The following CDH20 variants were observed in gnomAD, a reference collection of about 807,000 sequenced individuals.
CDH20 encodes cadherin 20.
In CDH20, 29 loss-of-function variants were observed where a neutral mutation model predicts 74.2. That is an observed-to-expected ratio of 0.39 (90% CI 0.29 to 0.53). The LOEUF (loss-of-function observed/expected upper bound fraction) is 0.53. Ranked by LOEUF, CDH20 falls within the 20% of genes least tolerant of loss-of-function variation. The pLI, the probability that CDH20 is intolerant of heterozygous loss-of-function variation, is 0.69. For missense variants in CDH20, 988 were observed against 1,048.3 expected, an observed-to-expected ratio of 0.94 and a Z score of 0.79; for synonymous variants, 469 against 405.4, an observed-to-expected ratio of 1.16 and a Z score of -1.88.
At chr18:61,341,422 GC>G (rs34235466) in intron 1 of CDH20, among the ~76,000 whole-genome samples, 105,526 of 151,096 alleles carry the variant, frequency 0.7, 37,193 homozygotes, top group Non-Finnish European at 0.75. Flanking sequence ...ACTGCCTTGA[GC>G]CCCCCCCCCG....
chr18:61,465,189 A>T (rs1909919415), intron 1 of CDH20, among the ~76,000 whole-genome samples: 1 of 152,170 alleles, frequency 6.6e-6, no homozygotes, highest in Non-Finnish European at 1.5e-5. Flanking sequence ...TGAAATTGAA[A>T]ATAGGGTCAC....
rs569155456 is a variant in CDH20 at position 61,529,994 on chromosome 18, G to C, written c.1271+1774G>C. 4.6e-5 allele frequency among the ~76,000 whole-genome samples: 7 copies of C among 152,270 alleles called. No individual in the cohort carries two copies. In the South Asian group the frequency reaches 1.5e-3, roughly 32 times the overall value. ...CAGAGGCACAGGGCAGGGTCCACTG[G>C]GCTGTTCTGGGGCAGGACTGCAGAT... is the stretch of plus-strand genomic sequence containing the variant. On this transcript the variant is annotated intron_variant, in intron 7 of 11. Transcript: ENST00000262717.
chr18:61,502,040 C>T (rs188450385), intron 4 of CDH20, among the ~76,000 whole-genome samples: 16 of 152,242 alleles, frequency 1.1e-4, no homozygotes, highest in Middle Eastern at 3.4e-3. Context: ...AAACTGGGGA[C>T]GGATTATTGT....
chr18:61,475,511 G>C (rs1240572164), intron 1 of CDH20, among the ~76,000 whole-genome samples: 1 of 152,170 alleles, frequency 6.6e-6, no homozygotes, highest in East Asian at 1.9e-4. Context: ...TCATCACTCT[G>C]TTTATCTCCT....
intron 1 of CDH20, among the ~76,000 whole-genome samples, chr18:61,408,827 A>G (rs570205036): frequency 1.3e-5 from 2 of 152,336 alleles, no homozygotes; most frequent in East Asian, 3.9e-4. Context: ...TTTTTACTCA[A>G]AAAGTCAAAT....
At chr18:61,371,356 T>G (rs571524272) in intron 1 of CDH20, among the ~76,000 whole-genome samples, 1 of 152,178 alleles carries the variant, frequency 6.6e-6, no homozygotes, top group Non-Finnish European at 1.5e-5. Context: ...GTATCTGTCT[T>G]GAATTGTCCC....
intron 1 of CDH20, among the ~76,000 whole-genome samples, chr18:61,426,005 T>C (rs1049216539): frequency 1.3e-5 from 2 of 152,196 alleles, no homozygotes; most frequent in Non-Finnish European, 1.5e-5. Context: ...TTGCAAATCG[T>C]TCATTGCTAG....
intron 1 of CDH20, among the ~76,000 whole-genome samples, chr18:61,485,416 C>A (rs1465051521): frequency 3.3e-5 from 5 of 152,054 alleles, no homozygotes; most frequent in Admixed American, 3.3e-4. Flanking sequence ...TTCAGCAAAT[C>A]TAGTGCCTGG....
At chr18:61,511,856 G>A (rs1428446501) in intron 6 of CDH20, among the ~76,000 whole-genome samples, 2 of 152,146 alleles carry the variant, frequency 1.3e-5, no homozygotes, top group African/African-American at 2.4e-5. Flanking sequence ...AGGTCACTTT[G>A]ATTTCTCTTC....
intron 1 of CDH20, among the ~76,000 whole-genome samples, chr18:61,342,892 T>G (rs1909998584): frequency 6.6e-6 from 1 of 152,208 alleles, no homozygotes; most frequent in South Asian, 2.1e-4. Flanking sequence ...TAAGTCAACA[T>G]GCCTTCATTA....
chr18:61,446,040 G>A (rs769069670), intron 1 of CDH20, among the ~76,000 whole-genome samples: 1 of 152,138 alleles, frequency 6.6e-6, no homozygotes, highest in East Asian at 1.9e-4. Flanking sequence ...CATCCCAAGA[G>A]AGAGACAGAC....
At position 61,555,090 on chromosome 18, in the gene CDH20, G is replaced by A. The variant is rs1362745132; in HGVS notation, c.*395G>A. The A allele has an allele frequency of 4.8e-6, 5 of 1,034,228 alleles. No individual in the cohort carries two copies. Among genetic ancestry groups the A allele is most frequent in the South Asian group, 8.7e-5 (2 of 22,858 alleles). 64.1% of individuals were successfully genotyped at this position (1,034,228 alleles called of 1,614,324 possible). A position where few individuals can be genotyped will look rare whatever the true frequency, so the allele number is the denominator to read the frequency against. On this transcript the variant is annotated 3_prime_UTR_variant, in exon 12 of 12. Coordinates refer to ENST00000262717, the MANE Select transcript of CDH20 (RefSeq NM_031891.4). ...ATTGAAAGCAGAAAGTTCTACTCTC[G>A]TATCTGTTTTTTATCTTATCTTATT... is the stretch of plus-strand genomic sequence containing the variant.
chr18:61,355,154 C>A (rs72990002), intron 1 of CDH20, among the ~76,000 whole-genome samples: 6 of 152,346 alleles, frequency 3.9e-5, no homozygotes, highest in South Asian at 2.1e-4. Flanking sequence ...TATTTCAGAT[C>A]ATACTGCTGT....
At chr18:61,390,082 C>A (rs537572285) in intron 1 of CDH20, among the ~76,000 whole-genome samples, 31 of 151,874 alleles carry the variant, frequency 2.0e-4, no homozygotes, top group African/African-American at 6.0e-4. Context: ...GGCCTTCCCA[C>A]CCTTACCCCC....
chr18:61,483,279 G>T (rs1468523695), intron 1 of CDH20, among the ~76,000 whole-genome samples: 1 of 152,046 alleles, frequency 6.6e-6, no homozygotes, highest in Non-Finnish European at 1.5e-5. Context: ...TGTAGCATTT[G>T]CCAATACCCA....
At chr18:61,461,417 C>T (rs773143734) in intron 1 of CDH20, among the ~76,000 whole-genome samples, 2 of 151,908 alleles carry the variant, frequency 1.3e-5, no homozygotes, top group Non-Finnish European at 2.9e-5. Flanking sequence ...GACCATGCTC[C>T]CTCCACAGCC....
At chr18:61,402,130 C>T (rs1912174650) in intron 1 of CDH20, among the ~76,000 whole-genome samples, 1 of 152,158 alleles carries the variant, frequency 6.6e-6, no homozygotes, top group African/African-American at 2.4e-5. Context: ...ACTTCTCAGA[C>T]CTAGAAACAG....
chr18:61,451,275 A>G (rs1168555688), intron 1 of CDH20, among the ~76,000 whole-genome samples: 2 of 152,048 alleles, frequency 1.3e-5, no homozygotes, highest in African/African-American at 4.8e-5. Flanking sequence ...ATTTTCAACT[A>G]CTTGTAAAAT....
At chr18:61,368,431 G>A (rs1910929085) in intron 1 of CDH20, among the ~76,000 whole-genome samples, 1 of 126,302 alleles carries the variant, frequency 7.9e-6, no homozygotes, top group Admixed American at 9.0e-5. Flanking sequence ...AAGGACTGCT[G>A]GGTCGGGGGT....
Sources: allele counts gnomAD v4.1 joint callset (sites outside exome capture counted in the v4.1 genomes callset), GRCh38; gene constraint gnomAD v4.1.1; transcripts MANE v1.5; gene names NCBI Gene and HGNC (gene_info 2026-07-23, HGNC 2026-07-21).